RP1L1: variants seen among roughly 807,000 people sequenced by gnomAD.
RP1L1 encodes the protein RP1 like 1, also known as retinitis pigmentosa 1-like 1 protein.
A neutral mutation model predicts 15.7 loss-of-function variants in RP1L1; 27 were observed. That is an observed-to-expected ratio of 1.72 (90% CI 1.27 to 2.38). The LOEUF is 2.38. RP1L1 is among the 30% of genes most tolerant of loss of function. The probability of loss-of-function intolerance (pLI) is 0.00; values close to 1 mark genes in which losing one functional copy is unlikely to be tolerated. For synonymous variants in RP1L1, 1,813 were observed against 1,276.7 expected, an observed-to-expected ratio of 1.42 and a Z score of -8.96; for missense variants, 4,798 against 3,075.9, an observed-to-expected ratio of 1.56 and a Z score of -13.24.
chr8:10,645,242 G>A (rs1005343000), intron 1 of RP1L1, among the ~76,000 whole-genome samples: 16 of 152,224 alleles, frequency 1.1e-4, no homozygotes, highest in African/African-American at 2.4e-4. Flanking sequence ...CAGGAGGATC[G>A]CCTGAACCCA....
chr8:10,618,196 G>A (rs185193230), intron 2 of RP1L1, among the ~76,000 whole-genome samples: 11 of 152,260 alleles, frequency 7.2e-5, no homozygotes, highest in African/African-American at 1.9e-4. Flanking sequence ...TCTGTCCCAA[G>A]GGGATAATAA....
intron 3 of RP1L1, among the ~76,000 whole-genome samples, chr8:10,615,742 C>G (rs910606577): frequency 4.0e-5 from 6 of 151,882 alleles, no homozygotes; most frequent in Admixed American, 3.9e-4. Flanking sequence ...GGGTCTTGCT[C>G]TGTTGTCTAG....
At chr8:10,640,945 A>G (rs1798397849) in intron 1 of RP1L1, among the ~76,000 whole-genome samples, 1 of 151,936 alleles carries the variant, frequency 6.6e-6, no homozygotes, top group Non-Finnish European at 1.5e-5. Context: ...TAATTTTTGT[A>G]TTTTTTGTAG....
Position 10,606,757 on chromosome 8 carries a change from G to C in RP1L1, c.*138C>G, listed in dbSNP as rs1797708021. 2 of 1,419,952 alleles carry C rather than the reference G, an allele frequency of 1.4e-6. No individual in the cohort carries two copies. The highest frequency in any genetic ancestry group is 1.9e-6 in the Non-Finnish European group (2 of 1,052,628). 88.0% of individuals were successfully genotyped at this position (1,419,952 alleles called of 1,614,324 possible). A position where few individuals can be genotyped will look rare whatever the true frequency, so the allele number is the denominator to read the frequency against. On this transcript the variant is annotated 3_prime_UTR_variant, in exon 4 of 4. Coordinates refer to ENST00000382483, the MANE Select transcript of RP1L1 (RefSeq NM_178857.6). ...GTCCCAGGACAGCATGGCATGGGCT[G>C]TGTCCTTGGCAAGTCCTTGGTCTTT... is the stretch of plus-strand genomic sequence containing the variant.
rs374521681 is a variant in RP1L1, at chr8:10,609,436, G to C, written c.4662C>G (p.Asp1554Glu). 1.1e-3 allele frequency: 1,757 copies of C among 1,612,408 alleles called. 38 individuals carry two copies. In the South Asian group the frequency reaches 0.018, roughly 17 times the overall value. The change falls in exon 4 of 4, where the codon GAC (aspartate) becomes GAG (glutamate). Residue 1554 changes from aspartate to glutamate, a missense_variant. Asp to Glu is a conservative substitution (Grantham distance 45, BLOSUM62 2). Coordinates refer to ENST00000382483, the MANE Select transcript of RP1L1 (RefSeq NM_178857.6). ...RWGLQDNDLLDQMAAELQQDV... is the reference protein window; with the variant it reads ...RWGLQDNDLLEQMAAELQQDV... ...CCTGCTGCAGCTCGGCCGCCATCTG[G>C]TCCAGCAGATCATTGTCCTGCAGGC...
Position 10,609,486 on chromosome 8 carries a change from C to A in RP1L1, c.4612G>T (p.Val1538Leu). The A allele has an allele frequency of 1.2e-6, 2 of 1,611,598 alleles. No homozygotes were observed. Among genetic ancestry groups the A allele is most frequent in the Non-Finnish European group, 1.7e-6 (2 of 1,179,672 alleles). Reference protein sequence around the residue: ...KAFLAHLASAVAELRARWGLQ... With the variant: ...KAFLAHLASALAELRARWGLQ... ...CCCCAGCGTGCTCGGAGCTCAGCCA[C>A]CGCACTGGCAAGGTGGGCCAGGAAG... Residue 1538 changes from valine (V) to leucine (L), a missense_variant, in exon 4 of 4, where the codon GTG becomes TTG. Coordinates refer to ENST00000382483, the MANE Select transcript of RP1L1 (RefSeq NM_178857.6).
At chr8:10,616,719 C>T in intron 2 of RP1L1, 132 bp from the exon 3 acceptor site, 1 of 1,069,214 alleles carries the variant, frequency 9.4e-7, no homozygotes, top group Middle Eastern at 3.1e-4. Context: ...GACTCCTGGT[C>T]CAAGGAGGGG....
In RP1L1 at chr8:10,633,571, G is replaced by A. The variant is rs760431500; in HGVS notation, c.-19-10351C>T. ...CTATGTGCTAGGCGCAGGGGAGGCC[G>A]GGGAAATCGCAAACCCACTCAGAGG... On this transcript the variant is annotated intron_variant, in intron 1 of 3. Coordinates refer to ENST00000382483, the MANE Select transcript of RP1L1 (RefSeq NM_178857.6). Among the ~76,000 whole-genome samples, 8 of 152,112 alleles carry A rather than the reference G, an allele frequency of 5.3e-5. 1 individual carries two copies. In the South Asian group the frequency reaches 6.2e-4, roughly 12 times the overall value.
intron 1 of RP1L1, among the ~76,000 whole-genome samples, chr8:10,637,409 C>T (rs181615638): frequency 6.6e-6 from 1 of 152,268 alleles, no homozygotes; most frequent in East Asian, 1.9e-4. Context: ...CAGAAAACTC[C>T]TCTAAGCCTT....
At position 10,613,280 on chromosome 8, in the gene RP1L1, C is replaced by T. The variant is rs761966655; in HGVS notation, c.818G>A (p.Arg273Gln). Residue 273 changes from arginine (R) to glutamine (Q), a missense_variant, in exon 4 of 4, where the codon CGG (arginine) becomes CAG (glutamine). By Grantham distance (43) the Arg-to-Gln change is conservative (BLOSUM62 1). Transcript: ENST00000382483. ...HSRSPPGSTP[R>Q]LPERPGPSNP... ...GCTAGGACCAGGCCTTTCTGGCAGC[C>T]GTGGCGTGCTGCCTGGCGGAGACCG... 1.8e-5 allele frequency: 29 copies of T among 1,607,424 alleles called. No homozygotes were observed. Among genetic ancestry groups the T allele is most frequent in the African/African-American group, 2.7e-5 (2 of 74,952 alleles).
rs150438402 is a variant in RP1L1, at chr8:10,609,427, C to A, written c.4671G>T (p.Ala1557=). 9.4e-5 allele frequency: 152 copies of A among 1,612,234 alleles called. No homozygotes were observed. Among genetic ancestry groups the A allele is most frequent in the Middle Eastern group, 1.6e-4 (1 of 6,084 alleles). The change falls in exon 4 of 4, where the codon GCG becomes GCT. Residue 1557 remains alanine, a synonymous_variant. Transcript: ENST00000382483. ...LQDNDLLDQM[A]AELQQDVAQR... is the part of the protein sequence containing the mutation. Reference sequence around the variant, plus strand: ...GGGCCACGTCCTGCTGCAGCTCGGCCGCCATCTGGTCCAGCAGATCATTGT... The same window carrying A: ...GGGCCACGTCCTGCTGCAGCTCGGCAGCCATCTGGTCCAGCAGATCATTGT...
chr8:10,631,357 A>ATT (rs1798245644), intron 1 of RP1L1, among the ~76,000 whole-genome samples: 1 of 41,564 alleles, frequency 2.4e-5, no homozygotes. Context: ...ACACACATGC[A>ATT]CACAAACACA....
intron 1 of RP1L1, among the ~76,000 whole-genome samples, chr8:10,637,173 A>C (rs1489707900): frequency 6.6e-6 from 1 of 152,104 alleles, no homozygotes; most frequent in African/African-American, 2.4e-5. Context: ...CCGGACTCAA[A>C]CTCAATGCTC....
rs769237488 is a variant in RP1L1 at position 10,622,872 on chromosome 8, G to C, written c.330C>G (p.Pro110=). 15 of 1,613,172 alleles carry C rather than the reference G, an allele frequency of 9.3e-6. No individual in the cohort carries two copies. The highest frequency in any genetic ancestry group is 6.6e-5 in the South Asian group (6 of 91,046). Residue 110 remains proline (P), a synonymous_variant, in exon 2 of 4, where the codon CCC becomes CCG. Coordinates refer to ENST00000382483, the MANE Select transcript of RP1L1 (RefSeq NM_178857.6). ...GCCGGCCTGGTCCACTGGGGGTCTT[G>C]GGGGGCTTCTTATCAGAGCAGAGGT... ...GCYLCSDKKP[P]KTPSGPGRPQ... is the part of the protein sequence containing the mutation.
Position 10,609,321 on chromosome 8 carries a change from C to A in RP1L1, c.4777G>T (p.Glu1593Ter), listed in dbSNP as rs1218108697. 3 of 1,611,774 alleles carry A rather than the reference C, an allele frequency of 1.9e-6. No individual in the cohort carries two copies. Among genetic ancestry groups the A allele is most frequent in the Non-Finnish European group, 2.5e-6 (3 of 1,179,800 alleles). ...AGRMVLEPPR[E>*]ALTGELLLQT... ...AGGAGCAGCTCCCCGGTGAGGGCCT[C>A]CCTTGGAGGCTCCAGCACCATCCTA... Residue 1593 changes from glutamate (E) to a stop codon, truncating the protein, a stop_gained, in exon 4 of 4, where the codon GAG becomes TAG. Coordinates refer to ENST00000382483, the MANE Select transcript of RP1L1 (RefSeq NM_178857.6). LOFTEE classifies it low-confidence loss of function (END_TRUNC).
rs1351381096 is a variant in RP1L1 at position 10,612,401 on chromosome 8, T to C, written c.1697A>G (p.Gln566Arg). The stretch of plus-strand genomic sequence containing the variant: ...GGGGTCGCCTCCCTCGCTGGCCTCC[T>C]GCTGAGAGGTCTCGGCCCTTGCCTT... The part of the protein sequence containing the change: ...PGKARAETSQ[Q>R]EASEGGDPAS... Residue 566 changes from glutamine to arginine, a missense_variant, in exon 4 of 4, where the codon CAG becomes CGG. By Grantham distance (43) the Gln-to-Arg change is conservative. Transcript: ENST00000382483. 2 of 1,612,804 alleles carry C rather than the reference T, an allele frequency of 1.2e-6. No homozygotes were observed. The highest frequency in any genetic ancestry group is 1.7e-6 in the Non-Finnish European group (2 of 1,180,028).
chr8:10,616,200 T>C (rs916476608), intron 3 of RP1L1, among the ~76,000 whole-genome samples: 2 of 152,206 alleles, frequency 1.3e-5, no homozygotes, highest in African/African-American at 2.4e-5. Flanking sequence ...TGAGCCACCA[T>C]GCCCAGCCTC....
intron 1 of RP1L1, among the ~76,000 whole-genome samples, chr8:10,633,192 C>T (rs1178964674): frequency 1.3e-5 from 2 of 152,206 alleles, no homozygotes; most frequent in Non-Finnish European, 2.9e-5. Context: ...GCAGCTGCCC[C>T]AGGGCCGTGA....
At position 10,612,407 on chromosome 8, in the gene RP1L1, G is replaced by C. The variant is rs77585543; in HGVS notation, c.1691C>G (p.Ser564Cys). The C allele has an allele frequency of 1.4e-3, 2,292 of 1,612,768 alleles. 31 individuals are homozygous for C. The African/African-American group carries it at 0.028, about 19-fold the overall frequency. The change falls in exon 4 of 4, where the codon TCT becomes TGT. Residue 564 changes from serine to cysteine, a missense_variant. By Grantham distance (112) the Ser-to-Cys change is moderately radical (BLOSUM62 -1). Transcript: ENST00000382483. ...GCPGKARAET[S>C]QQEASEGGDP... is the part of the protein sequence containing the mutation. The stretch of plus-strand genomic sequence containing the variant: ...GCCTCCCTCGCTGGCCTCCTGCTGA[G>C]AGGTCTCGGCCCTTGCCTTGCCTGG...
Sources: allele counts gnomAD v4.1 joint callset (sites outside exome capture counted in the v4.1 genomes callset), GRCh38; gene constraint gnomAD v4.1.1; transcripts MANE v1.5; gene names NCBI Gene and HGNC (gene_info 2026-07-23, HGNC 2026-07-21).